HM13: variants seen among roughly 807,000 people sequenced by gnomAD.
HM13 encodes signal peptide peptidase.
Under a neutral mutation model 50.0 loss-of-function variants are expected in HM13, and 18 were observed. The ratio of observed to expected loss-of-function variants is 0.36; its 90% confidence interval spans 0.25 to 0.53. HM13 has a LOEUF of 0.53. HM13 is among the 20% of genes least tolerant of loss of function. HM13 has a pLI of 0.90. For missense variants in HM13, 393 were observed against 552.4 expected, an observed-to-expected ratio of 0.71 and a Z score of 2.89; for synonymous variants, 197 against 232.6, an observed-to-expected ratio of 0.85 and a Z score of 1.39.
At position 31,540,293 on chromosome 20, in the gene HM13, C is replaced by G. The variant is rs190485335; in HGVS notation, c.365+2032C>G. ...TGGCAGGCCCAGTCGCCCTTGCTCACAGGACAAACCAGTCCTTTCGTGGTG... is the reference window on the plus strand; with the variant it reads ...TGGCAGGCCCAGTCGCCCTTGCTCAGAGGACAAACCAGTCCTTTCGTGGTG... On this transcript the variant is annotated intron_variant, in intron 3 of 12. Coordinates refer to ENST00000398174, the MANE Select transcript of HM13 (RefSeq NM_178581.3). The G allele has an allele frequency of 2.6e-5, 4 of 152,406 alleles. No individual in the cohort carries two copies. In the East Asian group the frequency reaches 7.7e-4, roughly 29 times the overall value. 9.4% of individuals were successfully genotyped at this position (152,406 alleles called of 1,614,324 possible). A position where few individuals can be genotyped will look rare whatever the true frequency, so the allele number is the denominator to read the frequency against.
intron 3 of HM13, chr20:31,541,296 C>A (rs6059874): frequency 0.27 from 41,559 of 151,936 alleles, 8,564 homozygotes; most frequent in African/African-American, 0.58. Flanking sequence ...GCCTGGGCAA[C>A]ATGTTGAGAC....
chr20:31,527,689 A>C, intron 2 of HM13, 107 bp downstream of exon 2: 3 of 808,498 alleles, frequency 3.7e-6, no homozygotes, highest in Non-Finnish European at 5.9e-6. Context: ...TAGAAAATAA[A>C]GAAGAAAGAA....
intron 2 of HM13, chr20:31,527,896 CTT>C (rs79029117): frequency 3.3e-3 from 553 of 167,028 alleles, no homozygotes; most frequent in East Asian, 5.5e-3. Flanking sequence ...TACTAATGGC[CTT>C]TTTTTTTTTT....
At chr20:31,530,372 T>C (rs1398186718) in intron 2 of HM13, among the ~76,000 whole-genome samples, 1 of 151,834 alleles carries the variant, frequency 6.6e-6, no homozygotes, top group Non-Finnish European at 1.5e-5. Context: ...ACCACGGAGG[T>C]ATTTTTATAT....
intron 7 of HM13, among the ~76,000 whole-genome samples, chr20:31,553,837 T>C (rs1984156408): frequency 6.6e-6 from 1 of 152,062 alleles, no homozygotes; most frequent in Non-Finnish European, 1.5e-5. Flanking sequence ...AAGGAGCTTA[T>C]AGCCCGGGCT....
intron 3 of HM13, chr20:31,540,430 G>T (rs778663196): frequency 6.6e-6 from 1 of 152,192 alleles, no homozygotes; most frequent in African/African-American, 2.4e-5. Flanking sequence ...TCTGTGAGAC[G>T]CTTGAGACCC....
intron 8 of HM13, among the ~76,000 whole-genome samples, chr20:31,555,411 G>A (rs956512595): frequency 6.3e-5 from 9 of 142,794 alleles, no homozygotes; most frequent in Non-Finnish European, 1.3e-4. Flanking sequence ...GTGGGTTCTA[G>A]TCAGTGTGTC....
intron 3 of HM13, among the ~76,000 whole-genome samples, chr20:31,544,613 T>C (rs1406583612): frequency 6.6e-6 from 1 of 152,256 alleles, no homozygotes; most frequent in Non-Finnish European, 1.5e-5. Flanking sequence ...GGCCAGACTT[T>C]GGGATCCTCT....
At chr20:31,538,717 A>G (rs973869434) in intron 3 of HM13, 140 of 906,390 alleles carry the variant, frequency 1.5e-4, no homozygotes, top group Non-Finnish European at 1.8e-4. Flanking sequence ...CTTTGAGTCC[A>G]GACTCTGCCA....
At chr20:31,515,577 C>T (rs1981722803) in intron 1 of HM13, among the ~76,000 whole-genome samples, 1 of 152,050 alleles carries the variant, frequency 6.6e-6, no homozygotes, top group Admixed American at 6.5e-5. Flanking sequence ...CCAAGACAAT[C>T]CCCCCACCAA....
chr20:31,538,681 G>A (rs1017753291), intron 3 of HM13: 12 of 1,085,208 alleles, frequency 1.1e-5, no homozygotes, highest in East Asian at 5.7e-5. Context: ...AGTTAGGAGC[G>A]TGGGCTCTGG....
chr20:31,528,581 T>C (rs1373729409), intron 2 of HM13, among the ~76,000 whole-genome samples: 1 of 152,174 alleles, frequency 6.6e-6, no homozygotes. Context: ...CAGGTTCAAG[T>C]GGTTCTCCTG....
chr20:31,540,236 G>C (rs1404573602), intron 3 of HM13: 1 of 152,296 alleles, frequency 6.6e-6, no homozygotes, highest in Non-Finnish European at 1.5e-5. Flanking sequence ...GAGGCCCAGG[G>C]AACCTGAGTG....
At chr20:31,554,606 C>G (rs1984206898) in intron 7 of HM13, 140 bp from the exon 8 acceptor site, 1 of 630,008 alleles carries the variant, frequency 1.6e-6, no homozygotes, top group Non-Finnish European at 2.7e-6. Context: ...GGCATGAACC[C>G]AGGAGATGGA....
rs185063105 is a variant in HM13 at position 31,547,885 on chromosome 20, G to C, written c.455-1144G>C. 9.1e-4 allele frequency: 931 copies of C among 1,019,468 alleles called. 1 individual carries two copies. The highest frequency in any genetic ancestry group is 1.0e-3 in the Non-Finnish European group (648 of 637,382). The allele number at this position is 1,019,468 out of a possible 1,614,324, so 63.2% of individuals were successfully genotyped here. On this transcript the variant is annotated intron_variant, in intron 4 of 12. Transcript: ENST00000398174. Reference sequence around the variant, plus strand: ...TGGAGCTAAGCTGTACCCTGCTGCAGTAGATACGATTGTAGCAGTCACAGC... The same window carrying C: ...TGGAGCTAAGCTGTACCCTGCTGCACTAGATACGATTGTAGCAGTCACAGC...
At chr20:31,551,843 T>C (rs1984050713) in intron 7 of HM13, among the ~76,000 whole-genome samples, 1 of 152,188 alleles carries the variant, frequency 6.6e-6, no homozygotes, top group South Asian at 2.1e-4. Flanking sequence ...GAGAGCTTCA[T>C]GGCCACAAAC....
chr20:31,550,139 C>A lies in HM13; in HGVS notation c.724+18C>A, dbSNP rs201399515. 5.6e-6 allele frequency: 9 copies of A among 1,608,064 alleles called. No individual in the cohort carries two copies. Among genetic ancestry groups the A allele is most frequent in the Non-Finnish European group, 7.7e-6 (9 of 1,174,628 alleles). On this transcript the variant is annotated intron_variant, in intron 7 of 12. Coordinates refer to ENST00000398174, the MANE Select transcript of HM13 (RefSeq NM_178581.3). ...AATAAAATGTAAGTGACCACCCTGC[C>A]ACAGGGAACCCCTTCCCCCACCCCT...
At chr20:31,559,220 C>T (rs747317806) in intron 8 of HM13, among the ~76,000 whole-genome samples, 8 of 152,174 alleles carry the variant, frequency 5.3e-5, no homozygotes, top group African/African-American at 7.2e-5. Context: ...CAATGATTTC[C>T]GTGACTATTT....
At position 31,549,320 on chromosome 20, in the gene HM13, C is replaced by T. The variant is rs138768496; in HGVS notation, c.654C>T (p.Tyr218=). The T allele has an allele frequency of 1.2e-5, 20 of 1,614,110 alleles. 1 individual carries two copies. The highest frequency in any genetic ancestry group is 1.6e-4 in the Middle Eastern group (1 of 6,084). ...TCCTGCTGGGCGGACTCTTCATCTACGATGTCTTCTGGGTGAGTCAGGCAG... is the reference window on the plus strand; with the variant it reads ...TCCTGCTGGGCGGACTCTTCATCTATGATGTCTTCTGGGTGAGTCAGGCAG... ...GCILLGGLFI[Y]DVFWVFGTNV... Residue 218 remains tyrosine, a synonymous_variant, in exon 6 of 13, where the codon TAC becomes TAT. Coordinates refer to ENST00000398174, the MANE Select transcript of HM13 (RefSeq NM_178581.3).
Sources: allele counts gnomAD v4.1 joint callset (sites outside exome capture counted in the v4.1 genomes callset), GRCh38; gene constraint gnomAD v4.1.1; transcripts MANE v1.5; gene names NCBI Gene and HGNC (gene_info 2026-07-23, HGNC 2026-07-21).